The following MYO18B variants were observed in gnomAD, a reference collection of about 807,000 sequenced individuals.
MYO18B encodes the protein unconventional myosin-XVIIIb.
In MYO18B, 204 loss-of-function variants were observed where a neutral mutation model predicts 273.0. That is an observed-to-expected ratio of 0.75 (90% CI 0.67 to 0.84). The LOEUF (loss-of-function observed/expected upper bound fraction) is 0.84. MYO18B is among the 40% of genes least tolerant of loss of function. MYO18B has a pLI of 0.00. For missense variants in MYO18B, 3,212 were observed against 3,287.6 expected (o/e 0.98, Z 0.56); for synonymous variants, 1,330 against 1,305.7 (o/e 1.02, Z -0.40).
intron 1 of MYO18B, among the ~76,000 whole-genome samples, chr22:25,749,139 A>G (rs2085866385): frequency 6.6e-6 from 1 of 152,222 alleles, no homozygotes; most frequent in Admixed American, 6.5e-5. Context: ...CAGGATTGAT[A>G]TGTGAATTAA....
At chr22:25,914,620 C>A (rs999751574) in intron 33 of MYO18B, among the ~76,000 whole-genome samples, 5 of 139,906 alleles carry the variant, frequency 3.6e-5, no homozygotes, top group South Asian at 4.7e-4. Flanking sequence ...CATACTTCAT[C>A]TGTAGGCTTT....
At chr22:26,040,866 G>A in the MYO18B span, among the ~76,000 whole-genome samples, 29 of 152,300 alleles carry the variant, frequency 1.9e-4, no homozygotes, top group African/African-American at 6.7e-4. Flanking sequence ...GTAGGGCCTT[G>A]TAGGACTTTG....
intron 12 of MYO18B, among the ~76,000 whole-genome samples, chr22:25,815,260 A>G (rs1260802238): frequency 1.3e-5 from 2 of 152,098 alleles, no homozygotes; most frequent in Non-Finnish European, 2.9e-5. Context: ...GACCATCTAG[A>G]TCTGGGCTTG....
intron 11 of MYO18B, among the ~76,000 whole-genome samples, chr22:25,790,066 T>C (rs904750370): frequency 1.1e-4 from 17 of 152,292 alleles, no homozygotes; most frequent in African/African-American, 3.8e-4. Context: ...GGCAGGAGAA[T>C]CGCCTGAATC....
intron 21 of MYO18B, among the ~76,000 whole-genome samples, chr22:25,856,280 T>G (rs1260949873): frequency 6.6e-6 from 1 of 152,232 alleles, no homozygotes. Context: ...ATTTGCATTT[T>G]CCTCATGATT....
At position 25,839,368 on chromosome 22, in the gene MYO18B, A is replaced by C. The variant is rs564531635; in HGVS notation, c.3208+3925A>C. 6.6e-5 allele frequency among the ~76,000 whole-genome samples: 10 copies of C among 152,320 alleles called. No homozygotes were observed. In the South Asian group the frequency reaches 1.9e-3, roughly 28 times the overall value. On this transcript the variant is annotated intron_variant, in intron 17 of 43. Transcript: ENST00000335473. The stretch of plus-strand genomic sequence containing the variant: ...TTGTGCTGCGGCCCTGGCCGTGCTC[A>C]CCCTGCAGGAGTCCTGGCATTTACT...
intron 3 of MYO18B, among the ~76,000 whole-genome samples, chr22:25,765,168 G>A (rs2086461373): frequency 6.6e-6 from 1 of 152,190 alleles, no homozygotes; most frequent in South Asian, 2.1e-4. Context: ...CCAAGATGCA[G>A]GATGGCTCTG....
In MYO18B at chr22:25,846,796, T is replaced by C. The variant is rs897685371; in HGVS notation, c.3552+513T>C. Reference sequence around the variant, plus strand: ...GAAGGACACCTTTAAATAAACCTTATAGTGGCCGGGCGCAGAGGCTCACGC... The same window carrying C: ...GAAGGACACCTTTAAATAAACCTTACAGTGGCCGGGCGCAGAGGCTCACGC... On this transcript the variant is annotated intron_variant, in intron 19 of 43. Transcript: ENST00000335473. 2.6e-5 allele frequency among the ~76,000 whole-genome samples: 4 copies of C among 152,246 alleles called. No individual in the cohort carries two copies. In the East Asian group the frequency reaches 5.8e-4, roughly 22 times the overall value.
chr22:26,046,784 A>G, the MYO18B span, among the ~76,000 whole-genome samples: 1 of 152,208 alleles, frequency 6.6e-6, no homozygotes, highest in East Asian at 1.9e-4. Flanking sequence ...TATTACCATG[A>G]GTTGTTCTTA....
At chr22:25,833,541 T>G (rs1415070705) in intron 16 of MYO18B, among the ~76,000 whole-genome samples, 1 of 152,224 alleles carries the variant, frequency 6.6e-6, no homozygotes, top group Non-Finnish European at 1.5e-5. Flanking sequence ...TCTGCACCTC[T>G]GCTCGACTCA....
intron 14 of MYO18B, among the ~76,000 whole-genome samples, chr22:25,827,542 C>T (rs2089540839): frequency 6.6e-6 from 1 of 152,210 alleles, no homozygotes; most frequent in Non-Finnish European, 1.5e-5. Flanking sequence ...GCTTGCCTTC[C>T]TCCTCTGTGA....
At chr22:25,977,194 A>G (rs1042346900) in intron 39 of MYO18B, among the ~76,000 whole-genome samples, 4 of 152,262 alleles carry the variant, frequency 2.6e-5, no homozygotes, top group Non-Finnish European at 5.9e-5. Context: ...CTCCCCGGCT[A>G]TGCTTATCTG....
rs557056817 is a variant in MYO18B at position 25,947,041 on chromosome 22, A to G, written c.5632-671A>G. 8.5e-5 allele frequency among the ~76,000 whole-genome samples: 13 copies of G among 152,280 alleles called. No homozygotes were observed. In the South Asian group the frequency reaches 2.5e-3, roughly 29 times the overall value. ...AAAGTTTAGGTATAGTTCGAGTTTT[A>G]TAGGCAAATGCTTATCTCAAGATCT... On this transcript the variant is annotated intron_variant, in intron 35 of 43. Transcript: ENST00000335473.
the MYO18B span, among the ~76,000 whole-genome samples, chr22:26,045,922 A>C: frequency 2.6e-5 from 4 of 152,242 alleles, no homozygotes; most frequent in Admixed American, 6.5e-5. Flanking sequence ...TATCGTGACA[A>C]CAGGTAACTG....
At chr22:25,818,920 C>T (rs544776618) in intron 12 of MYO18B, among the ~76,000 whole-genome samples, 1 of 152,220 alleles carries the variant, frequency 6.6e-6, no homozygotes, top group Non-Finnish European at 1.5e-5. Flanking sequence ...AGGCCGTGTA[C>T]CTGGCTTTGT....
At chr22:26,050,120 A>G in the MYO18B span, among the ~76,000 whole-genome samples, 1 of 152,224 alleles carries the variant, frequency 6.6e-6, no homozygotes, top group African/African-American at 2.4e-5. Flanking sequence ...AACATTACCC[A>G]TCAGGCTGTG....
intron 34 of MYO18B, among the ~76,000 whole-genome samples, chr22:25,928,525 G>A (rs1422969583): frequency 2.0e-5 from 3 of 151,926 alleles, no homozygotes; most frequent in Non-Finnish European, 2.9e-5. Flanking sequence ...TCTCCAGATG[G>A]GCAGGCACCC....
chr22:25,748,295 A>T (rs1005123359), intron 1 of MYO18B, among the ~76,000 whole-genome samples: 7 of 152,310 alleles, frequency 4.6e-5, no homozygotes, highest in Middle Eastern at 3.4e-3. Flanking sequence ...ACTCATTGGG[A>T]CATGAGGACC....
At chr22:25,917,755 G>C (rs1314120698) in intron 33 of MYO18B, among the ~76,000 whole-genome samples, 1 of 151,948 alleles carries the variant, frequency 6.6e-6, no homozygotes, top group African/African-American at 2.4e-5. Flanking sequence ...TCCCTCTATT[G>C]CTTTCCTACT....
Sources: gnomAD v4.1 joint callset for allele counts (sites outside exome capture counted in the v4.1 genomes callset) on GRCh38, gnomAD v4.1.1 for gene constraint, MANE v1.5 for transcripts, NCBI Gene and HGNC (gene_info 2026-07-23, HGNC 2026-07-21) for gene names.